Variants in ANKS1B observed in about 807,000 individuals in gnomAD.
ANKS1B encodes the protein ankyrin repeat and sterile alpha motif domain containing 1B.
Under a neutral mutation model 148.3 loss-of-function variants are expected in ANKS1B, and 36 were observed. The observed-to-expected ratio is 0.24, with a 90% CI of 0.19 to 0.32. ANKS1B has a LOEUF of 0.32. ANKS1B is among the 10% of genes least tolerant of loss of function. The probability of loss-of-function intolerance (pLI) is 1.00; values close to 1 mark genes in which losing one functional copy is unlikely to be tolerated. For missense variants in ANKS1B, 1,157 were observed against 1,542.6 expected (o/e 0.75, Z 4.19); for synonymous variants, 542 against 560.8 (o/e 0.97, Z 0.47).
At chr12:99,340,181 A>G (rs1361879645) in intron 12 of ANKS1B, among the ~76,000 whole-genome samples, 2 of 152,134 alleles carry the variant, frequency 1.3e-5, no homozygotes, top group Non-Finnish European at 2.9e-5. Flanking sequence ...CCAAGTTGCA[A>G]ACCTAATCAA....
intron 9 of ANKS1B, among the ~76,000 whole-genome samples, chr12:99,536,371 T>A (rs1402857584): frequency 2.0e-5 from 3 of 152,224 alleles, no homozygotes; most frequent in Non-Finnish European, 2.9e-5. Flanking sequence ...TTAATTTTGC[T>A]ATGAACCTAA....
chr12:99,938,982 T>C (rs2094849615), intron 1 of ANKS1B, among the ~76,000 whole-genome samples: 1 of 152,178 alleles, frequency 6.6e-6, no homozygotes, highest in Admixed American at 6.5e-5. Flanking sequence ...ATATGCCTCC[T>C]ATTTTCTTTC....
chr12:98,925,861 G>T (rs532368286), intron 17 of ANKS1B, among the ~76,000 whole-genome samples: 5 of 152,180 alleles, frequency 3.3e-5, no homozygotes, highest in Admixed American at 3.3e-4. Context: ...AAGCTCATTT[G>T]GTGGGAATAG....
rs140850099 is a variant in ANKS1B at position 99,006,779 on chromosome 12, C to G, written c.2778+46378G>C. Among the ~76,000 whole-genome samples, 478 of 152,248 alleles carry G rather than the reference C, an allele frequency of 3.1e-3. 4 individuals are homozygous for G. Among genetic ancestry groups the G allele is most frequent in the African/African-American group, 0.011 (458 of 41,538 alleles). Reference sequence around the variant, plus strand: ...TAAAGCTAATACTGTGCTATTATTACCAGGCACTGTTCTAAGTACTTTAAA... The same window carrying G: ...TAAAGCTAATACTGTGCTATTATTAGCAGGCACTGTTCTAAGTACTTTAAA... On this transcript the variant is annotated intron_variant, in intron 17 of 26. Coordinates refer to ENST00000683438, the MANE Select transcript of ANKS1B (RefSeq NM_001352186.2).
intron 1 of ANKS1B, among the ~76,000 whole-genome samples, chr12:99,826,525 T>C (rs903681168): frequency 6.6e-6 from 1 of 152,148 alleles, no homozygotes; most frequent in East Asian, 1.9e-4. Context: ...AGTCTAGAGA[T>C]GACTCAGACT....
At chr12:98,988,722 T>A (rs2099924893) in intron 17 of ANKS1B, among the ~76,000 whole-genome samples, 1 of 152,182 alleles carries the variant, frequency 6.6e-6, no homozygotes, top group Non-Finnish European at 1.5e-5. Context: ...TCTCCAACAG[T>A]GTACAGGGTT....
At chr12:99,735,535 A>G (rs2059532725) in intron 8 of ANKS1B, among the ~76,000 whole-genome samples, 1 of 152,150 alleles carries the variant, frequency 6.6e-6, no homozygotes, top group Non-Finnish European at 1.5e-5. Context: ...ATTCCTGGAC[A>G]TATACAGCCT....
intron 12 of ANKS1B, among the ~76,000 whole-genome samples, chr12:99,294,153 T>G (rs1006981225): frequency 2.6e-5 from 4 of 152,232 alleles, no homozygotes; most frequent in Non-Finnish European, 4.4e-5. Context: ...CCACCATATG[T>G]TCCAGCAATC....
chr12:99,759,178 T>C (rs1431888120), intron 8 of ANKS1B, among the ~76,000 whole-genome samples: 3 of 151,870 alleles, frequency 2.0e-5, no homozygotes, highest in African/African-American at 7.2e-5. Context: ...ATCACCTAAA[T>C]GGAACTGTTA....
intron 8 of ANKS1B, among the ~76,000 whole-genome samples, chr12:99,716,266 G>C (rs182771734): frequency 6.8e-6 from 1 of 147,144 alleles, no homozygotes; most frequent in Non-Finnish European, 1.5e-5. Flanking sequence ...TTATCTCTGC[G>C]CCCCGATCCC....
At chr12:99,489,167 G>A (rs1250968219) in intron 10 of ANKS1B, among the ~76,000 whole-genome samples, 2 of 151,226 alleles carry the variant, frequency 1.3e-5, no homozygotes, top group South Asian at 2.1e-4. Context: ...ACTTGAACCC[G>A]GGAGGCGGAG....
chr12:99,426,536 A>AT (rs1467273055), intron 11 of ANKS1B, among the ~76,000 whole-genome samples: 1 of 152,158 alleles, frequency 6.6e-6, no homozygotes, highest in East Asian at 1.9e-4. Context: ...TTTAGCATAT[A>AT]TTTATTGTCA....
At chr12:98,863,008 T>C (rs1400667900) in intron 17 of ANKS1B, among the ~76,000 whole-genome samples, 2 of 152,192 alleles carry the variant, frequency 1.3e-5, no homozygotes, top group African/African-American at 2.4e-5. Context: ...TCCTGACACA[T>C]TTACAACAGG....
chr12:98,947,755 G>T (rs2099847630), intron 17 of ANKS1B, among the ~76,000 whole-genome samples: 1 of 152,178 alleles, frequency 6.6e-6, no homozygotes, highest in Admixed American at 6.5e-5. Context: ...TCTGTCCTCT[G>T]CAGCAACGCC....
At chr12:99,636,802 A>G (rs1007116386) in intron 9 of ANKS1B, among the ~76,000 whole-genome samples, 2 of 152,222 alleles carry the variant, frequency 1.3e-5, no homozygotes, top group Non-Finnish European at 2.9e-5. Context: ...ATGATTACAA[A>G]TTTTAGCAAA....
intron 9 of ANKS1B, among the ~76,000 whole-genome samples, chr12:99,550,589 A>C (rs1304200298): frequency 6.6e-6 from 1 of 151,380 alleles, no homozygotes; most frequent in African/African-American, 2.4e-5. Flanking sequence ...GGGCCACTGC[A>C]CTCCAGCCTG....
intron 14 of ANKS1B, among the ~76,000 whole-genome samples, chr12:99,205,957 G>A (rs988099399): frequency 5.3e-5 from 8 of 152,110 alleles, no homozygotes; most frequent in African/African-American, 1.9e-4. Flanking sequence ...AAAATTATTG[G>A]CTAAGTTGGT....
At chr12:98,957,768 T>C (rs985915579) in intron 17 of ANKS1B, among the ~76,000 whole-genome samples, 10 of 152,168 alleles carry the variant, frequency 6.6e-5, no homozygotes, top group South Asian at 4.1e-4. Flanking sequence ...TTAATATACA[T>C]AGATTTATAG....
chr12:99,701,397 AT>A (rs2054790048), intron 8 of ANKS1B, among the ~76,000 whole-genome samples: 2 of 151,994 alleles, frequency 1.3e-5, no homozygotes, highest in African/African-American at 4.8e-5. Context: ...GTATTTTTTT[AT>A]TTTTATGGGT....
Sources: allele counts gnomAD v4.1 joint callset (sites outside exome capture counted in the v4.1 genomes callset), GRCh38; gene constraint gnomAD v4.1.1; transcripts MANE v1.5; gene names NCBI Gene and HGNC (gene_info 2026-07-23, HGNC 2026-07-21).